KLHL29: variants seen among roughly 807,000 people sequenced by gnomAD.
KLHL29 encodes the protein kelch-like protein 29.
In KLHL29, 21 loss-of-function variants were observed where a neutral mutation model predicts 80.4. The observed-to-expected ratio is 0.26, with a 90% confidence interval of 0.19 to 0.38. The LOEUF (loss-of-function observed/expected upper bound fraction) is 0.38. KLHL29 is among the 10% of genes least tolerant of loss of function. The pLI is 1.00. For missense variants in KLHL29, 867 were observed against 1,223.9 expected (o/e 0.71, Z 4.35); for synonymous variants, 511 against 526.8 (o/e 0.97, Z 0.41).
At chr2:23,474,869 C>T (rs114938120) in intron 1 of KLHL29, among the ~76,000 whole-genome samples, 1 of 152,042 alleles carries the variant, frequency 6.6e-6, no homozygotes, top group Non-Finnish European at 1.5e-5. Flanking sequence ...TAATGACAGT[C>T]GTGCGTTTTG....
intron 2 of KLHL29, among the ~76,000 whole-genome samples, chr2:23,514,421 C>T (rs1485216993): frequency 5.3e-5 from 8 of 152,274 alleles, no homozygotes; most frequent in South Asian, 2.1e-4. Flanking sequence ...GGGCAGACGC[C>T]GGCCCCACAG....
At chr2:23,589,844 T>C (rs1668212210) in intron 3 of KLHL29, among the ~76,000 whole-genome samples, 1 of 152,078 alleles carries the variant, frequency 6.6e-6, no homozygotes, top group Non-Finnish European at 1.5e-5. Flanking sequence ...TTAAAGGGGG[T>C]GCTAGTTCTG....
At chr2:23,539,286 A>G (rs1268528474) in intron 2 of KLHL29, among the ~76,000 whole-genome samples, 3 of 152,206 alleles carry the variant, frequency 2.0e-5, no homozygotes. Context: ...TATCTTTTAA[A>G]TGGCTAAAAT....
intron 3 of KLHL29, among the ~76,000 whole-genome samples, chr2:23,625,507 G>T (rs1454344904): frequency 9.2e-5 from 14 of 152,208 alleles, no homozygotes; most frequent in Non-Finnish European, 4.4e-5. Flanking sequence ...GAGGAAGAAA[G>T]CAAACCGTCA....
intron 1 of KLHL29, among the ~76,000 whole-genome samples, chr2:23,472,945 A>G (rs1002127124): frequency 1.3e-5 from 2 of 152,234 alleles, no homozygotes; most frequent in East Asian, 3.8e-4. Flanking sequence ...AGAGTTAAGT[A>G]AAATGACTAT....
At chr2:23,523,988 T>C in intron 2 of KLHL29, 1 of 471,706 alleles carries the variant, frequency 2.1e-6, no homozygotes, top group Middle Eastern at 3.2e-4. Context: ...TTCGGGAGCT[T>C]GCCTAAACAC....
intron 3 of KLHL29, among the ~76,000 whole-genome samples, chr2:23,611,880 C>G (rs1288089502): frequency 2.9e-5 from 3 of 103,102 alleles, no homozygotes; most frequent in Non-Finnish European, 6.2e-5. Context: ...TTAACAGATG[C>G]AACCAAAAAA....
intron 5 of KLHL29, among the ~76,000 whole-genome samples, chr2:23,683,494 C>A (rs1315069904): frequency 6.6e-6 from 1 of 152,224 alleles, no homozygotes; most frequent in Non-Finnish European, 1.5e-5. Context: ...GGGTGACTGG[C>A]AGGCTCTTCC....
chr2:23,487,532 A>T (rs985141553), intron 2 of KLHL29, among the ~76,000 whole-genome samples: 1 of 152,116 alleles, frequency 6.6e-6, no homozygotes, highest in Non-Finnish European at 1.5e-5. Flanking sequence ...GGACTGGGTT[A>T]GCTCTGCCAA....
At chr2:23,460,976 TG>T (rs1664192817) in intron 1 of KLHL29, among the ~76,000 whole-genome samples, 1 of 152,186 alleles carries the variant, frequency 6.6e-6, no homozygotes, top group African/African-American at 2.4e-5. Context: ...CCAAGTATCT[TG>T]GATTTTGTGT....
chr2:23,536,646 T>TA (rs1380778952), intron 2 of KLHL29, among the ~76,000 whole-genome samples: 1 of 152,180 alleles, frequency 6.6e-6, no homozygotes, highest in African/African-American at 2.4e-5. Context: ...GTTTATAAAA[T>TA]ACTGCTGGAT....
intron 1 of KLHL29, among the ~76,000 whole-genome samples, chr2:23,420,879 C>T (rs1662779409): frequency 6.6e-6 from 1 of 152,190 alleles, no homozygotes; most frequent in Non-Finnish European, 1.5e-5. Context: ...AAATTATACC[C>T]AACCTTCAAA....
chr2:23,462,646 A>G (rs898126898), intron 1 of KLHL29, among the ~76,000 whole-genome samples: 1 of 152,234 alleles, frequency 6.6e-6, no homozygotes, highest in African/African-American at 2.4e-5. Context: ...TTGACAGGAT[A>G]AGGACTGCCC....
chr2:23,642,052 C>T (rs1420015125), intron 4 of KLHL29, among the ~76,000 whole-genome samples: 1 of 152,158 alleles, frequency 6.6e-6, no homozygotes, highest in African/African-American at 2.4e-5. Flanking sequence ...AGAGTGGAAC[C>T]CAAGTCTCTC....
rs901397563 is a variant in KLHL29 at position 23,678,310 on chromosome 2, T to C, written c.941-6089T>C. ...TTTTACACTCACCACTTAGAACCAA[T>C]GGGGTTTGAGACGGGTCGTTAGAGG... On this transcript the variant is annotated intron_variant, in intron 5 of 13. Transcript: ENST00000486442. Among the ~76,000 whole-genome samples the C allele has an allele frequency of 4.1e-4, 63 of 152,140 alleles. 1 individual carries two copies. Among genetic ancestry groups the C allele is most frequent in the African/African-American group, 1.2e-3 (49 of 41,434 alleles).
At chr2:23,533,458 G>A (rs895895735) in intron 2 of KLHL29, among the ~76,000 whole-genome samples, 2 of 152,214 alleles carry the variant, frequency 1.3e-5, no homozygotes, top group African/African-American at 4.8e-5. Flanking sequence ...TTTGGCGTCA[G>A]AGAAAACGTG....
intron 11 of KLHL29, among the ~76,000 whole-genome samples, chr2:23,698,143 G>A (rs1017657456): frequency 2.6e-5 from 4 of 152,192 alleles, no homozygotes; most frequent in Non-Finnish European, 4.4e-5. Context: ...TTCCCTGGGG[G>A]GCAAGGCCCT....
At chr2:23,586,238 T>C (rs539278842) in intron 3 of KLHL29, among the ~76,000 whole-genome samples, 11 of 152,188 alleles carry the variant, frequency 7.2e-5, no homozygotes, top group Admixed American at 2.0e-4. Flanking sequence ...GGGTGTTTTG[T>C]ACATTCCTAA....
At chr2:23,446,386 G>A (rs1572518982) in intron 1 of KLHL29, among the ~76,000 whole-genome samples, 1 of 152,090 alleles carries the variant, frequency 6.6e-6, no homozygotes, top group Admixed American at 6.5e-5. Context: ...GGTTCTTGAA[G>A]TTCATCTTGA....
Sources: allele counts gnomAD v4.1 joint callset (sites outside exome capture counted in the v4.1 genomes callset), GRCh38; gene constraint gnomAD v4.1.1; transcripts MANE v1.5; gene names NCBI Gene and HGNC (gene_info 2026-07-23, HGNC 2026-07-21).